DMTN: variants seen among roughly 807,000 people sequenced by gnomAD.
DMTN encodes the protein dematin.
In DMTN, 27 loss-of-function variants were observed where a neutral mutation model predicts 59.4. The ratio of observed to expected loss-of-function variants is 0.45; its 90% CI spans 0.33 to 0.63. The LOEUF is 0.63. DMTN is among the 20% of genes least tolerant of loss of function. The pLI, the probability that DMTN is intolerant of heterozygous loss-of-function variation, is 0.02. For missense variants in DMTN, 451 were observed against 528.9 expected (o/e 0.85, Z 1.45); for synonymous variants, 221 against 203.7 (o/e 1.08, Z -0.72).
At position 22,067,601 on chromosome 8, in the gene DMTN, C is replaced by T. The variant is rs761947142; in HGVS notation, c.168C>T (p.Ile56=). 11 of 1,614,074 alleles carry T rather than the reference C, an allele frequency of 6.8e-6. No homozygotes were observed. Among genetic ancestry groups the T allele is most frequent in the South Asian group, 1.1e-5 (1 of 91,088 alleles). ...AIPKDKAILD[I]ERPDLMIYEP... is the part of the protein sequence containing the mutation. The stretch of plus-strand genomic sequence containing the variant: ...CCAAGGACAAGGCCATCCTGGACAT[C>T]GAGCGGCCCGACCTCATGATCTACG... Residue 56 remains isoleucine (I), a synonymous_variant, in exon 4 of 16, where the codon ATC becomes ATT. Coordinates refer to ENST00000358242, the MANE Select transcript of DMTN (RefSeq NM_001387751.1).
chr8:22,051,734 G>A (rs1192770707), upstream of DMTN, among the ~76,000 whole-genome samples: 1 of 152,098 alleles, frequency 6.6e-6, no homozygotes, highest in African/African-American at 2.4e-5. Context: ...GCTCTGCACC[G>A]TGGCCAGACC....
chr8:22,080,772 C>T (rs1430248893), intron 13 of DMTN, 33 bp from the exon 14 acceptor site: 4 of 1,602,658 alleles, frequency 2.5e-6, no homozygotes, highest in East Asian at 4.5e-5. Flanking sequence ...CTCCCTGCCC[C>T]GCTCTGGCTC....
intron 1 of DMTN, among the ~76,000 whole-genome samples, chr8:22,057,400 G>T (rs1021211008): frequency 3.3e-5 from 5 of 152,092 alleles, no homozygotes; most frequent in African/African-American, 1.2e-4. Flanking sequence ...CAGCATCTCT[G>T]CCTGGCCTAC....
At chr8:22,078,394 TACATATATTC>T (rs1373986151) in intron 10 of DMTN, among the ~76,000 whole-genome samples, 2 of 149,356 alleles carry the variant, frequency 1.3e-5, no homozygotes, top group African/African-American at 4.9e-5. Flanking sequence ...TATACATATA[TACATATATTC>T]ATATATATGT....
rs991313272 is a variant in DMTN, at chr8:22,082,196, G to A, written c.*733G>A. On this transcript the variant is annotated 3_prime_UTR_variant, in exon 16 of 16. Transcript: ENST00000358242. ...GAAGCTGGGCCTTCCGCCTCCCTTGGATGGGGTCAAGAGGCCAGGCCTGGC... is the reference window on the plus strand; with the variant it reads ...GAAGCTGGGCCTTCCGCCTCCCTTGAATGGGGTCAAGAGGCCAGGCCTGGC... The A allele has an allele frequency of 2.6e-5, 12 of 456,820 alleles. No homozygotes were observed. Among genetic ancestry groups the A allele is most frequent in the Non-Finnish European group, 4.4e-5 (10 of 227,034 alleles). 28.3% of individuals were successfully genotyped at this position (456,820 alleles called of 1,614,324 possible). A position where few individuals can be genotyped will look rare whatever the true frequency, so the allele number is the denominator to read the frequency against.
At chr8:22,068,955 A>G (rs1812948261) in intron 4 of DMTN, 61 bp from the exon 5 acceptor site, 1 of 1,586,748 alleles carries the variant, frequency 6.3e-7, no homozygotes, top group African/African-American at 1.3e-5. Context: ...CCTCTCTGGA[A>G]TTCTAGGGAA....
At chr8:22,062,510 C>T (rs117108520) in intron 1 of DMTN, among the ~76,000 whole-genome samples, 336 of 152,262 alleles carry the variant, frequency 2.2e-3, no homozygotes, top group Non-Finnish European at 3.8e-3. Flanking sequence ...CCACTGCCCC[C>T]TGCAGCCTCA....
chr8:22,081,092 T>TGGGGGGGGGGGCGGGGGGGG, intron 14 of DMTN, 21 bp from the exon 15 acceptor site: 1 of 1,547,318 alleles, frequency 6.5e-7, no homozygotes, highest in Non-Finnish European at 8.9e-7. Flanking sequence ...AGCCTAAGAT[T>TGGGGGGGGGGGCGGGGGGGG]GCCCCTCCCC....
At position 22,080,396 on chromosome 8, in the gene DMTN, T is replaced by G; in HGVS notation, c.901-16T>G. ...AATATCCCCGACTGCCTCTGATTCC[T>G]TTGTGTCCTTTCTAGCTACAGTCCA... is the stretch of plus-strand genomic sequence containing the variant. On this transcript the variant is annotated splice_polypyrimidine_tract_variant and intron_variant, in intron 11 of 15. Coordinates refer to ENST00000358242, the MANE Select transcript of DMTN (RefSeq NM_001387751.1). 1.9e-6 allele frequency: 3 copies of G among 1,614,186 alleles called. No homozygotes were observed. The highest frequency in any genetic ancestry group is 2.5e-6 in the Non-Finnish European group (3 of 1,180,014).
At chr8:22,063,807 A>T (rs1416396170) in intron 1 of DMTN, among the ~76,000 whole-genome samples, 1 of 152,066 alleles carries the variant, frequency 6.6e-6, no homozygotes, top group East Asian at 1.9e-4. Flanking sequence ...GACTTTTCAT[A>T]GTGCTTTATA....
chr8:22,075,186 C>CA (rs201457271), intron 10 of DMTN, among the ~76,000 whole-genome samples: 4,758 of 131,234 alleles, frequency 0.036, 295 homozygotes, highest in African/African-American at 0.12. Context: ...GACTCTGTCT[C>CA]AAAAAAAAAA....
At chr8:22,075,787 G>A (rs1414034607) in intron 10 of DMTN, among the ~76,000 whole-genome samples, 1 of 152,150 alleles carries the variant, frequency 6.6e-6, no homozygotes, top group Non-Finnish European at 1.5e-5. Context: ...CCAAAGTGCT[G>A]GGATTGCAGG....
chr8:22,078,680 T>C (rs1395930816), intron 10 of DMTN, among the ~76,000 whole-genome samples: 3 of 151,914 alleles, frequency 2.0e-5, no homozygotes, highest in Non-Finnish European at 4.4e-5. Flanking sequence ...AGAGATCCTA[T>C]TAAATGTGCA....
Position 22,073,851 on chromosome 8 carries a change from G to A in DMTN, c.835+16G>A, listed in dbSNP as rs534396742. Reference sequence around the variant, plus strand: ...TTCCATACCTGTGAGTGCTGTGGAGGGGGCTCAGAGTCACCTGGCCAGAGA... The same window carrying A: ...TTCCATACCTGTGAGTGCTGTGGAGAGGGCTCAGAGTCACCTGGCCAGAGA... On this transcript the variant is annotated intron_variant, in intron 10 of 15. Coordinates refer to ENST00000358242, the MANE Select transcript of DMTN (RefSeq NM_001387751.1). 64 of 1,608,766 alleles carry A rather than the reference G, an allele frequency of 4.0e-5. No homozygotes were observed. Among genetic ancestry groups the A allele is most frequent in the Non-Finnish European group, 5.0e-5 (59 of 1,175,450 alleles).
Position 22,081,875 on chromosome 8 carries a change from C to A in DMTN, c.*412C>A, listed in dbSNP as rs1041174938. ...AAAGAGCTCCAGGCTCTTGTGTCGC[C>A]CACCCAGCCCTCCCATACTCACTCC... On this transcript the variant is annotated 3_prime_UTR_variant, in exon 16 of 16. Coordinates refer to ENST00000358242, the MANE Select transcript of DMTN (RefSeq NM_001387751.1). 2.2e-6 allele frequency: 1 copy of A among 460,588 alleles called. No individual in the cohort carries two copies. Among genetic ancestry groups the A allele is most frequent in the Admixed American group, 2.3e-5 (1 of 42,646 alleles). The allele number at this position is 460,588 out of a possible 1,614,324, so 28.5% of individuals were successfully genotyped here. A position where few individuals can be genotyped will look rare whatever the true frequency, so the allele number is the denominator to read the frequency against.
chr8:22,079,791 T>C lies in DMTN; in HGVS notation c.836-389T>C, dbSNP rs1409573889. ...AAAATTTTTTTTTTTTAGATTTGAT[T>C]ACTAACATTGTTAATAAAATTATAA... On this transcript the variant is annotated intron_variant, in intron 10 of 15. Coordinates refer to ENST00000358242, the MANE Select transcript of DMTN (RefSeq NM_001387751.1). Among the ~76,000 whole-genome samples, 2 of 152,154 alleles carry C rather than the reference T, an allele frequency of 1.3e-5. 1 individual carries two copies. The highest frequency in any genetic ancestry group is 1.3e-4 in the Admixed American group (2 of 15,280).
At chr8:22,067,292 C>G (rs914958602) in intron 3 of DMTN, 133 bp downstream of exon 3, 8 of 1,167,166 alleles carry the variant, frequency 6.9e-6, no homozygotes, top group Non-Finnish European at 9.6e-6. Context: ...CAGAGAGAAC[C>G]CAGAAACCCA....
rs1036911120 is a variant in DMTN at position 22,060,167 on chromosome 8, T to C, written c.-172+3031T>C. ...TCTCTCTTCCTCCCTCCCTCCCCTCTTCCTGCTGCAGCTCGCCCTTTCTAT... is the reference window on the plus strand; with the variant it reads ...TCTCTCTTCCTCCCTCCCTCCCCTCCTCCTGCTGCAGCTCGCCCTTTCTAT... On this transcript the variant is annotated intron_variant, in intron 1 of 15. Transcript: ENST00000358242. The surrounding 1 kb of genome is among the most constrained non-coding windows in gnomAD (Gnocchi z 5.0). Among the ~76,000 whole-genome samples, 5 of 152,182 alleles carry C rather than the reference T, an allele frequency of 3.3e-5. No individual in the cohort carries two copies. Among genetic ancestry groups the C allele is most frequent in the Admixed American group, 2.6e-4 (4 of 15,280 alleles).
intron 1 of DMTN, among the ~76,000 whole-genome samples, chr8:22,065,750 G>A (rs570138513): frequency 3.3e-5 from 5 of 151,652 alleles, no homozygotes; most frequent in South Asian, 2.1e-4. Flanking sequence ...CAGGAGAATC[G>A]CTTGAACCTG....
Sources: gnomAD v4.1 joint callset for allele counts (sites outside exome capture counted in the v4.1 genomes callset) on GRCh38, gnomAD v4.1.1 for gene constraint, Gnocchi (gnomAD v3.1) non-coding constraint, MANE v1.5 for transcripts, NCBI Gene and HGNC (gene_info 2026-07-23, HGNC 2026-07-21) for gene names.